The following MME variants were observed in gnomAD, a reference collection of about 807,000 sequenced individuals.
MME encodes the protein neprilysin.
In MME, 98 loss-of-function variants were observed where a neutral mutation model predicts 113.2. The observed-to-expected ratio is 0.87, with a 90% CI of 0.74 to 1.02. MME has a LOEUF of 1.02. Ranked by LOEUF, MME falls within the 50% of genes least tolerant of loss-of-function variation. The pLI, the probability that MME is intolerant of heterozygous loss-of-function variation, is 0.00. For missense variants in MME, 836 were observed against 896.0 expected, an observed-to-expected ratio of 0.93 and a Z score of 0.86; for synonymous variants, 292 against 300.6, an observed-to-expected ratio of 0.97 and a Z score of 0.30.
At chr3:155,168,877 A>C in intron 20 of MME, 80 bp downstream of exon 20, 3 of 1,262,732 alleles carry the variant, frequency 2.4e-6, no homozygotes, top group Non-Finnish European at 1.1e-6. Context: ...AACCTTTTGC[A>C]AAAAAAGAAA....
At chr3:155,125,649 C>G (rs1022260047) in intron 8 of MME, among the ~76,000 whole-genome samples, 1 of 151,456 alleles carries the variant, frequency 6.6e-6, no homozygotes, top group Non-Finnish European at 1.5e-5. Context: ...TTAGTAGAGA[C>G]GGGGTTTCAC....
At chr3:155,040,646 A>G (rs1713280721) in intron 1 of MME, among the ~76,000 whole-genome samples, 1 of 152,084 alleles carries the variant, frequency 6.6e-6, no homozygotes, top group Non-Finnish European at 1.5e-5. Flanking sequence ...ATAAATGTTA[A>G]TATTTGGAAA....
At chr3:155,113,423 G>A (rs1718348346) in intron 3 of MME, among the ~76,000 whole-genome samples, 1 of 152,152 alleles carries the variant, frequency 6.6e-6, no homozygotes, top group Non-Finnish European at 1.5e-5. Flanking sequence ...GGGACTACAG[G>A]TGCCTGCCAC....
chr3:155,169,008 A>G (rs1711615609), intron 20 of MME: 1 of 527,924 alleles, frequency 1.9e-6, no homozygotes, highest in Non-Finnish European at 3.4e-6. Flanking sequence ...TTAAGTTTGC[A>G]AAGAGCCAAG....
intron 1 of MME, among the ~76,000 whole-genome samples, chr3:155,035,697 C>T (rs529391512): frequency 6.6e-6 from 1 of 152,156 alleles, no homozygotes; most frequent in East Asian, 1.9e-4. Flanking sequence ...TTAAGTTCAG[C>T]GTAGCTGGCC....
chr3:155,176,160 C>T (rs1048745383), intron 22 of MME, among the ~76,000 whole-genome samples: 4 of 152,062 alleles, frequency 2.6e-5, no homozygotes, highest in African/African-American at 4.8e-5. Flanking sequence ...TCTGAGGACC[C>T]ATTAATTGCA....
chr3:155,143,320 C>A, intron 12 of MME, 123 bp from the exon 13 acceptor site: 3 of 1,104,902 alleles, frequency 2.7e-6, no homozygotes, highest in South Asian at 1.2e-5. Flanking sequence ...GGAACATGGG[C>A]CTTGTGAGGA....
At chr3:155,100,269 G>A (rs1169703522) in intron 3 of MME, among the ~76,000 whole-genome samples, 1 of 152,182 alleles carries the variant, frequency 6.6e-6, no homozygotes, top group Non-Finnish European at 1.5e-5. Context: ...CTCAAAAGAA[G>A]ACATTTATGC....
chr3:155,167,060 T>C (rs202188907), intron 18 of MME, 39 bp downstream of exon 18: 1 of 1,611,174 alleles, frequency 6.2e-7, no homozygotes, highest in African/African-American at 1.3e-5. Flanking sequence ...CTGAGGTATA[T>C]GCTCATAAAT....
intron 15 of MME, 70 bp from the exon 16 acceptor site, chr3:155,148,480 C>A: frequency 9.6e-7 from 1 of 1,040,064 alleles, no homozygotes. Flanking sequence ...AAGAAAATCC[C>A]TATGTTTTTA....
In MME at chr3:155,172,008, G is replaced by A; in HGVS notation, c.1981-109G>A. The A allele has an allele frequency of 5.8e-6, 4 of 693,402 alleles. No homozygotes were observed. The South Asian group carries it at 6.7e-5, about 12-fold the overall frequency. 43.0% of individuals were successfully genotyped at this position (693,402 alleles called of 1,614,324 possible). A position where few individuals can be genotyped will look rare whatever the true frequency, so the allele number is the denominator to read the frequency against. On this transcript the variant is annotated intron_variant, in intron 20 of 22. Coordinates refer to ENST00000360490, the MANE Select transcript of MME (RefSeq NM_007289.4). ...TACCATAACTAAATGTATTATCAGGGTGATTTTAACATAAAATGTTAATTA... is the reference window on the plus strand; with the variant it reads ...TACCATAACTAAATGTATTATCAGGATGATTTTAACATAAAATGTTAATTA...
chr3:155,105,004 TTTA>T (rs145952016), intron 3 of MME, among the ~76,000 whole-genome samples: 2,044 of 152,154 alleles, frequency 0.013, 39 homozygotes, highest in African/African-American at 0.046. Flanking sequence ...TAGAATACTT[TTTA>T]TTATTATTAT....
chr3:155,107,187 C>G (rs908032234), intron 3 of MME, among the ~76,000 whole-genome samples: 9 of 152,082 alleles, frequency 5.9e-5, no homozygotes, highest in Non-Finnish European at 1.3e-4. Context: ...AACCCCGTCT[C>G]TACTAAAATA....
upstream of MME, among the ~76,000 whole-genome samples, chr3:155,077,122 T>A (rs1490843790): frequency 6.6e-6 from 1 of 152,110 alleles, no homozygotes; most frequent in African/African-American, 2.4e-5. Flanking sequence ...CAAGATGGAG[T>A]TGCTCTGGTC....
intron 8 of MME, among the ~76,000 whole-genome samples, chr3:155,131,499 G>T (rs1235605652): frequency 6.6e-6 from 1 of 152,116 alleles, no homozygotes; most frequent in Non-Finnish European, 1.5e-5. Flanking sequence ...ACAAAAGGGG[G>T]CTTTTAAACA....
intron 1 of MME, among the ~76,000 whole-genome samples, chr3:155,063,397 T>G (rs867839012): frequency 0.033 from 3,568 of 109,758 alleles, 84 homozygotes; most frequent in Non-Finnish European, 0.048. Context: ...ATTTCATATA[T>G]ATTTTATATT....
chr3:155,141,556 C>T (rs1721089310), intron 10 of MME, among the ~76,000 whole-genome samples: 1 of 152,114 alleles, frequency 6.6e-6, no homozygotes, highest in Non-Finnish European at 1.5e-5. Context: ...ATATTTTCAT[C>T]TATAATAGGA....
At chr3:155,145,688 G>C (rs1721449379) in intron 14 of MME, among the ~76,000 whole-genome samples, 1 of 152,060 alleles carries the variant, frequency 6.6e-6, no homozygotes, top group Non-Finnish European at 1.5e-5. Context: ...ATTGTAAGAA[G>C]TCCTGCAATA....
intron 1 of MME, among the ~76,000 whole-genome samples, chr3:155,034,690 T>C (rs1300598138): frequency 1.3e-5 from 2 of 152,142 alleles, no homozygotes; most frequent in Non-Finnish European, 2.9e-5. Context: ...CTTAATAAAA[T>C]ATCTAGCAGT....
Sources: gnomAD v4.1 joint callset for allele counts (sites outside exome capture counted in the v4.1 genomes callset) on GRCh38, gnomAD v4.1.1 for gene constraint, MANE v1.5 for transcripts, NCBI Gene and HGNC (gene_info 2026-07-23, HGNC 2026-07-21) for gene names.